The following CTDSPL variants were observed in gnomAD, a reference collection of about 807,000 sequenced individuals.
The protein encoded by CTDSPL is CTD small phosphatase like.
CTDSPL carries 8 observed loss-of-function variants against 30.5 expected under a neutral mutation model. The ratio of observed to expected loss-of-function variants is 0.26; its 90% CI spans 0.15 to 0.47. The LOEUF (loss-of-function observed/expected upper bound fraction) is 0.47, where lower values mean the gene tolerates loss of function less well. Among genes scored for constraint, CTDSPL ranks in the 20% least tolerant of loss-of-function variants. The probability of loss-of-function intolerance (pLI) is 0.99; values close to 1 mark genes in which losing one functional copy is unlikely to be tolerated. For missense variants in CTDSPL, 248 were observed against 366.1 expected (o/e 0.68, Z 2.63); for synonymous variants, 110 against 137.9 (o/e 0.80, Z 1.42).
chr3:37,924,690 A>G (rs960367960), intron 1 of CTDSPL, among the ~76,000 whole-genome samples: 1 of 152,200 alleles, frequency 6.6e-6, no homozygotes, highest in African/African-American at 2.4e-5. Context: ...ACTTTGTCTC[A>G]GGGATATGTA....
intron 1 of CTDSPL, among the ~76,000 whole-genome samples, chr3:37,932,658 A>T (rs1171322865): frequency 6.6e-6 from 1 of 152,248 alleles, no homozygotes; most frequent in South Asian, 2.1e-4. Flanking sequence ...AAGGCCATTA[A>T]GTCTCTGTCT....
rs1697946716 is a variant in CTDSPL at position 37,862,114 on chromosome 3, C to T, written c.-86C>T. 1 of 473,642 alleles carries T rather than the reference C, an allele frequency of 2.1e-6. No homozygotes were observed. Among genetic ancestry groups the T allele is most frequent in the South Asian group, 9.0e-5 (1 of 11,070 alleles). 29.3% of individuals were successfully genotyped at this position (473,642 alleles called of 1,614,324 possible). On this transcript the variant is annotated 5_prime_UTR_variant, in exon 1 of 8. Transcript: ENST00000273179. The surrounding 1 kb of genome is among the most constrained non-coding windows in gnomAD (Gnocchi z 4.3). ...AGCGGCTGCGAGCGCCCCCCCGCGCCGCGCCCCCGCGCCCCCCGCGCCGCG... is the reference window on the plus strand; with the variant it reads ...AGCGGCTGCGAGCGCCCCCCCGCGCTGCGCCCCCGCGCCCCCCGCGCCGCG...
At chr3:37,973,758 AG>A (rs1169790358) in intron 6 of CTDSPL, among the ~76,000 whole-genome samples, 1 of 152,260 alleles carries the variant, frequency 6.6e-6, no homozygotes, top group Non-Finnish European at 1.5e-5. Flanking sequence ...ATTGTGTGCC[AG>A]GCACAGTACT....
At chr3:37,948,975 C>T (rs531642459) in intron 2 of CTDSPL, among the ~76,000 whole-genome samples, 6 of 151,130 alleles carry the variant, frequency 4.0e-5, no homozygotes, top group East Asian at 3.9e-4. Flanking sequence ...CGCCCGCCAC[C>T]GCGCCCGGCT....
chr3:37,932,850 G>C (rs9825892), intron 1 of CTDSPL, among the ~76,000 whole-genome samples: 46,351 of 152,098 alleles, frequency 0.3, 8,937 homozygotes, highest in African/African-American at 0.54. Context: ...ATCTGACATG[G>C]ACATAAAGAT....
At chr3:37,928,493 C>T (rs867213485) in intron 1 of CTDSPL, among the ~76,000 whole-genome samples, 1 of 152,194 alleles carries the variant, frequency 6.6e-6, no homozygotes, top group African/African-American at 2.4e-5. Context: ...TGATGTCGTG[C>T]ACCTTCTTAT....
At position 37,862,365 on chromosome 3, in the gene CTDSPL, TG is replaced by T; in HGVS notation, c.79+92del. Reference sequence around the variant, plus strand: ...TCACTGCCGGGCGCCGGCATGGGCCTGGGGGAGGGGTGCACAGGGCCCGGAG... The same window carrying T: ...TCACTGCCGGGCGCCGGCATGGGCCTGGGGAGGGGTGCACAGGGCCCGGAG... On this transcript the variant is annotated intron_variant, in intron 1 of 7. Coordinates refer to ENST00000273179, the MANE Select transcript of CTDSPL (RefSeq NM_001008392.2). The surrounding 1 kb of genome is among the most constrained non-coding windows in gnomAD (Gnocchi z 4.3). The T allele has an allele frequency of 8.4e-7, 1 of 1,193,514 alleles. No individual in the cohort carries two copies. The highest frequency in any genetic ancestry group is 1.1e-6 in the Non-Finnish European group (1 of 919,626). 73.9% of individuals were successfully genotyped at this position (1,193,514 alleles called of 1,614,324 possible). A position where few individuals can be genotyped will look rare whatever the true frequency, so the allele number is the denominator to read the frequency against.
intron 1 of CTDSPL, among the ~76,000 whole-genome samples, chr3:37,900,184 G>C (rs1216994379): frequency 6.6e-6 from 1 of 152,214 alleles, no homozygotes; most frequent in Non-Finnish European, 1.5e-5. Flanking sequence ...TTGAGAGGAA[G>C]GCTTGAGTGT....
intron 1 of CTDSPL, among the ~76,000 whole-genome samples, chr3:37,864,355 C>T (rs1459180440): frequency 6.6e-6 from 1 of 152,150 alleles, no homozygotes; most frequent in Admixed American, 6.5e-5. Flanking sequence ...ACAAATACTC[C>T]AGGATAGTGC....
intron 1 of CTDSPL, among the ~76,000 whole-genome samples, chr3:37,921,797 G>A (rs1047316783): frequency 2.0e-5 from 3 of 152,204 alleles, no homozygotes; most frequent in African/African-American, 7.2e-5. Context: ...GGCAAGGCTG[G>A]AGAACTGTTT....
At chr3:37,873,781 C>G (rs1698103456) in intron 1 of CTDSPL, among the ~76,000 whole-genome samples, 1 of 152,110 alleles carries the variant, frequency 6.6e-6, no homozygotes, top group East Asian at 1.9e-4. Flanking sequence ...TCTTAATTGT[C>G]CATTGAAAAG....
chr3:37,909,932 C>T (rs1373848768), intron 1 of CTDSPL, among the ~76,000 whole-genome samples: 18 of 152,222 alleles, frequency 1.2e-4, no homozygotes, highest in Admixed American at 1.2e-3. Flanking sequence ...CCTGTTCTCA[C>T]ATTCTAGGAA....
chr3:37,960,677 C>T (rs1699235810), intron 3 of CTDSPL, among the ~76,000 whole-genome samples: 1 of 150,646 alleles, frequency 6.6e-6, no homozygotes, highest in African/African-American at 2.4e-5. Flanking sequence ...TTGCAGTGAG[C>T]CAGGATGGCA....
intron 1 of CTDSPL, among the ~76,000 whole-genome samples, chr3:37,941,507 G>A (rs750063127): frequency 2.0e-5 from 3 of 146,474 alleles, no homozygotes; most frequent in South Asian, 2.2e-4. Context: ...CTTGTGCCTC[G>A]GCCTCCTGAG....
At chr3:37,938,323 C>T (rs1422577098) in intron 1 of CTDSPL, among the ~76,000 whole-genome samples, 1 of 149,880 alleles carries the variant, frequency 6.7e-6, no homozygotes, top group Non-Finnish European at 1.5e-5. Context: ...GGTTCCAAAG[C>T]CTCCCCCGTC....
intron 3 of CTDSPL, among the ~76,000 whole-genome samples, chr3:37,959,777 T>A (rs181592325): frequency 6.6e-6 from 1 of 152,236 alleles, no homozygotes; most frequent in Admixed American, 6.5e-5. Context: ...TTTACAGTAT[T>A]GGTACATTAA....
rs552957796 is a variant in CTDSPL at position 37,975,525 on chromosome 3, G to A, written c.520-184G>A. On this transcript the variant is annotated intron_variant, in intron 6 of 7. Coordinates refer to ENST00000273179, the MANE Select transcript of CTDSPL (RefSeq NM_001008392.2). The surrounding 1 kb of genome is among the most constrained non-coding windows in gnomAD (Gnocchi z 4.9). ...AACTGACAATTCCTGATGGTTGGAT[G>A]TGAGAGAAATGGAAGAATCCAGTGC... Among the ~76,000 whole-genome samples, 34 of 152,228 alleles carry A rather than the reference G, an allele frequency of 2.2e-4. No homozygotes were observed. Among genetic ancestry groups the A allele is most frequent in the Non-Finnish European group, 4.6e-4 (31 of 68,038 alleles).
In CTDSPL at chr3:37,862,321, C is replaced by A. The variant is rs538820139; in HGVS notation, c.79+43C>A. 35 of 1,420,840 alleles carry A rather than the reference C, an allele frequency of 2.5e-5. No homozygotes were observed. Among genetic ancestry groups the A allele is most frequent in the Non-Finnish European group, 3.0e-5 (33 of 1,088,142 alleles). The allele number at this position is 1,420,840 out of a possible 1,614,324, so 88.0% of individuals were successfully genotyped here. A position where few individuals can be genotyped will look rare whatever the true frequency, so the allele number is the denominator to read the frequency against. On this transcript the variant is annotated intron_variant, in intron 1 of 7. Transcript: ENST00000273179. This position sits in a 1 kb window ranked among gnomAD's most constrained non-coding sequence, Gnocchi z 4.3. ...CGGCCGCGGGCTGGGGGCGAGCGCA[C>A]ACCCCGCGCCGCTGGAGTTCACTGC...
chr3:37,888,144 CATT>C (rs1309618229), intron 1 of CTDSPL, among the ~76,000 whole-genome samples: 8 of 152,162 alleles, frequency 5.3e-5, no homozygotes, highest in African/African-American at 1.9e-4. Context: ...TGCCCTGTGA[CATT>C]ATAAATGGCC....
Sources: gnomAD v4.1 joint callset for allele counts (sites outside exome capture counted in the v4.1 genomes callset) on GRCh38, gnomAD v4.1.1 for gene constraint, Gnocchi (gnomAD v3.1) non-coding constraint, MANE v1.5 for transcripts, NCBI Gene and HGNC (gene_info 2026-07-23, HGNC 2026-07-21) for gene names.